The following MGAT5 variants were observed in gnomAD, a reference collection of about 807,000 sequenced individuals.
The protein encoded by MGAT5 is alpha-1,6-mannosylglycoprotein 6-beta-N-acetylglucosaminyltransferase.
Under a neutral mutation model 94.3 loss-of-function variants are expected in MGAT5, and 30 were observed. The observed-to-expected ratio is 0.32, with a 90% CI of 0.24 to 0.43. The LOEUF (loss-of-function observed/expected upper bound fraction) is 0.43. Ranked by LOEUF, MGAT5 falls within the 20% of genes least tolerant of loss-of-function variation. The pLI is 1.00. For synonymous variants in MGAT5, 310 were observed against 322.9 expected, an observed-to-expected ratio of 0.96 and a Z score of 0.43; for missense variants, 691 against 905.5, an observed-to-expected ratio of 0.76 and a Z score of 3.04.
chr2:134,151,837 C>CTCAT (rs1687204476), intron 1 of MGAT5, among the ~76,000 whole-genome samples: 18 of 137,034 alleles, frequency 1.3e-4, no homozygotes, highest in East Asian at 2.3e-4. Flanking sequence ...ACCTCACTCA[C>CTCAT]GCCCTATGGG....
chr2:134,360,464 C>A (rs1680013686), intron 9 of MGAT5, among the ~76,000 whole-genome samples: 1 of 152,006 alleles, frequency 6.6e-6, no homozygotes, highest in African/African-American at 2.4e-5. Flanking sequence ...TAAGTGCCTA[C>A]CTAGGGACTA....
At chr2:134,355,982 A>G (rs1021919309) in intron 9 of MGAT5, among the ~76,000 whole-genome samples, 1 of 152,248 alleles carries the variant, frequency 6.6e-6, no homozygotes, top group Non-Finnish European at 1.5e-5. Context: ...CTCACTTTTC[A>G]TATCATTACC....
At chr2:134,196,403 A>C (rs1290678178) in intron 1 of MGAT5, among the ~76,000 whole-genome samples, 1 of 62,628 alleles carries the variant, frequency 1.6e-5, no homozygotes, top group Non-Finnish European at 2.7e-5. Context: ...CTTAAGGCTT[A>C]AAAAAAAAAA....
chr2:134,254,393 G>T lies in MGAT5; in HGVS notation c.-11G>T. On this transcript the variant is annotated 5_prime_UTR_variant, in exon 1 of 16. Transcript: ENST00000281923. Reference sequence around the variant, plus strand: ...TTAAGAGCCAAGGACAGGTGAAGTTGCCAGAGAGCAATGGCTCTCTTCACT... The same window carrying T: ...TTAAGAGCCAAGGACAGGTGAAGTTTCCAGAGAGCAATGGCTCTCTTCACT... 3 of 1,613,972 alleles carry T rather than the reference G, an allele frequency of 1.9e-6. No individual in the cohort carries two copies. The highest frequency in any genetic ancestry group is 2.5e-6 in the Non-Finnish European group (3 of 1,179,948).
chr2:134,192,188 C>T (rs1249743473), intron 1 of MGAT5, among the ~76,000 whole-genome samples: 1 of 149,950 alleles, frequency 6.7e-6, no homozygotes, highest in African/African-American at 2.5e-5. Context: ...GGTGGGTTCA[C>T]GCCTTTTTTC....
chr2:134,159,678 T>C (rs918617313), intron 1 of MGAT5, among the ~76,000 whole-genome samples: 5 of 152,120 alleles, frequency 3.3e-5, no homozygotes, highest in African/African-American at 1.2e-4. Flanking sequence ...GGGGAAACCC[T>C]GTATCTACTA....
At chr2:134,235,808 A>T (rs1038097864) in intron 1 of MGAT5, among the ~76,000 whole-genome samples, 1 of 151,856 alleles carries the variant, frequency 6.6e-6, no homozygotes, top group East Asian at 1.9e-4. Context: ...GGCAAGTGAC[A>T]TAGATTTAGT....
At position 134,124,552 on chromosome 2, in the gene MGAT5, T is replaced by C. The variant is rs371883355; in HGVS notation, c.-143+4261T>C. Among the ~76,000 whole-genome samples the C allele has an allele frequency of 1.0e-3, 159 of 152,240 alleles. 1 individual carries two copies. The highest frequency in any genetic ancestry group is 3.7e-3 in the South Asian group (18 of 4,822). On this transcript the variant is annotated intron_variant, in intron 1 of 16. Coordinates refer to the MGAT5 transcript ENST00000409645. ...CTGTGGCTTGGTTTGGTGGGAGCAG[T>C]TTGTCTTGTAAACTAGCACTCTCTC...
At chr2:134,206,562 G>T (rs574879492) in intron 1 of MGAT5, among the ~76,000 whole-genome samples, 28 of 152,130 alleles carry the variant, frequency 1.8e-4, no homozygotes, top group Non-Finnish European at 3.4e-4. Flanking sequence ...ACACCCTCCA[G>T]GTGTTAGGCT....
At chr2:134,318,614 T>C in intron 3 of MGAT5, 36 bp from the exon 4 acceptor site, 1 of 1,524,620 alleles carries the variant, frequency 6.6e-7, no homozygotes, top group Non-Finnish European at 9.1e-7. Flanking sequence ...GGAGGGCCTG[T>C]GAATGGGCTG....
intron 1 of MGAT5, among the ~76,000 whole-genome samples, chr2:134,141,063 A>T (rs1479697480): frequency 6.6e-6 from 1 of 152,196 alleles, no homozygotes; most frequent in African/African-American, 2.4e-5. Flanking sequence ...TGAAGAGATA[A>T]TGCTGTTATC....
At chr2:134,259,990 G>GAC (rs1166503355) in intron 1 of MGAT5, among the ~76,000 whole-genome samples, 4 of 152,162 alleles carry the variant, frequency 2.6e-5, no homozygotes, top group African/African-American at 9.7e-5. Context: ...TAACCAGAAT[G>GAC]ACACACGGAG....
rs35922830 is a variant in MGAT5 at position 134,283,645 on chromosome 2, C to CTTTT, written c.406+13120_406+13123dup. Among the ~76,000 whole-genome samples the CTTTT allele has an allele frequency of 1.9e-3, 131 of 69,070 alleles. 11 individuals are homozygous for CTTTT. The highest frequency in any genetic ancestry group is 8.5e-3 in the African/African-American group (123 of 14,500). 45.3% of individuals were successfully genotyped at this position (69,070 alleles called of 152,430 possible). ...AAGCCATTGTTGAGGAATGTAGTAT[C>CTTTT]TTTTTTTTTTTTTTTTTTTTTTTTT... On this transcript the variant is annotated intron_variant, in intron 2 of 15. Coordinates refer to ENST00000281923, the MANE Select transcript of MGAT5 (RefSeq NM_002410.5).
intron 2 of MGAT5, among the ~76,000 whole-genome samples, chr2:134,309,470 C>T (rs1686521846): frequency 6.6e-6 from 1 of 152,196 alleles, no homozygotes; most frequent in Non-Finnish European, 1.5e-5. Flanking sequence ...CTTGGCAACA[C>T]TTGTTATTGT....
chr2:134,344,678 C>G (rs995031229), intron 7 of MGAT5, among the ~76,000 whole-genome samples: 1 of 151,928 alleles, frequency 6.6e-6, no homozygotes, highest in Non-Finnish European at 1.5e-5. Context: ...GGAGTCAGAC[C>G]CATATCTTCC....
chr2:134,430,661 G>A (rs547469531), intron 14 of MGAT5, among the ~76,000 whole-genome samples: 6 of 151,824 alleles, frequency 4.0e-5, no homozygotes, highest in East Asian at 1.9e-4. Context: ...AAACTGCACC[G>A]CCCCCCACCC....
intron 1 of MGAT5, among the ~76,000 whole-genome samples, chr2:134,223,400 T>G (rs1319400680): frequency 6.6e-6 from 1 of 152,208 alleles, no homozygotes; most frequent in Non-Finnish European, 1.5e-5. Context: ...ATGAGGGAGA[T>G]CCTTATCTCT....
intron 13 of MGAT5, among the ~76,000 whole-genome samples, chr2:134,427,453 G>T (rs1684654191): frequency 6.6e-6 from 1 of 152,088 alleles, no homozygotes; most frequent in Non-Finnish European, 1.5e-5. Flanking sequence ...TGATAAGATT[G>T]CCTCCTCTAC....
chr2:134,138,602 C>T (rs1327928539), intron 1 of MGAT5, among the ~76,000 whole-genome samples: 1 of 152,198 alleles, frequency 6.6e-6, no homozygotes, highest in Non-Finnish European at 1.5e-5. Context: ...TCTCTGAGAA[C>T]AGACCTTTTG....
Sources: allele counts gnomAD v4.1 joint callset (sites outside exome capture counted in the v4.1 genomes callset), GRCh38; gene constraint gnomAD v4.1.1; transcripts MANE v1.5; gene names NCBI Gene and HGNC (gene_info 2026-07-23, HGNC 2026-07-21).